Variants in EPN1 observed in about 807,000 individuals in gnomAD.
EPN1 encodes epsin-1.
Under a neutral mutation model 56.9 loss-of-function variants are expected in EPN1, and 25 were observed. The observed-to-expected ratio is 0.44, with a 90% confidence interval of 0.32 to 0.61. EPN1 has a LOEUF of 0.61. EPN1 is among the 20% of genes least tolerant of loss of function. The pLI, the probability that EPN1 is intolerant of heterozygous loss-of-function variation, is 0.05. For missense variants in EPN1, 785 were observed against 823.7 expected, an observed-to-expected ratio of 0.95 and a Z score of 0.58; for synonymous variants, 411 against 361.8, an observed-to-expected ratio of 1.14 and a Z score of -1.54.
At chr19:55,684,599 G>A (rs1986038430) in intron 2 of EPN1, among the ~76,000 whole-genome samples, 1 of 152,068 alleles carries the variant, frequency 6.6e-6, no homozygotes, top group Non-Finnish European at 1.5e-5. Flanking sequence ...TGGAACCTGG[G>A]TGCCCCTCCC....
chr19:55,679,881 C>A (rs1472101891), intron 2 of EPN1, among the ~76,000 whole-genome samples: 8 of 152,182 alleles, frequency 5.3e-5, no homozygotes, highest in Non-Finnish European at 1.2e-4. Context: ...CTTGGAAAAC[C>A]CTGGAGGTGC....
At chr19:55,684,748 C>T (rs543681874) in intron 2 of EPN1, among the ~76,000 whole-genome samples, 3 of 152,242 alleles carry the variant, frequency 2.0e-5, no homozygotes, top group African/African-American at 7.2e-5. Flanking sequence ...TACTAAGACC[C>T]CCTTCATTGT....
chr19:55,702,204 G>T lies in EPN1; in HGVS notation c.*6848G>T, dbSNP rs1421661508. ...TCCAACTCCTGACCTCAAGTGATCC[G>T]CCTGCCTCGGCCTCCCAAAGTAGTG... On this transcript the variant is annotated 3_prime_UTR_variant, in exon 11 of 11. Coordinates refer to ENST00000270460, the MANE Select transcript of EPN1 (RefSeq NM_001130072.2). 6.6e-6 allele frequency: 1 copy of T among 151,326 alleles called. No individual in the cohort carries two copies. Among genetic ancestry groups the T allele is most frequent in the Non-Finnish European group, 1.5e-5 (1 of 67,914 alleles). The allele number at this position is 151,326 out of a possible 1,614,324, so 9.4% of individuals were successfully genotyped here. A position where few individuals can be genotyped will look rare whatever the true frequency, so the allele number is the denominator to read the frequency against.
rs539295653 is a variant in EPN1 at position 55,684,532 on chromosome 19, A to G, written c.229-864A>G. Among the ~76,000 whole-genome samples the G allele has an allele frequency of 4.1e-4, 62 of 152,318 alleles. 2 individuals are homozygous for G. The Middle Eastern group carries it at 0.01, about 25-fold the overall frequency. ...GTATTATAAAATACAAACATACCAA[A>G]GGGTGCAGATTGAACGATAATGTTC... is the stretch of plus-strand genomic sequence containing the variant. On this transcript the variant is annotated intron_variant, in intron 2 of 10. Coordinates refer to ENST00000270460, the MANE Select transcript of EPN1 (RefSeq NM_001130072.2).
Position 55,695,163 on chromosome 19 carries a change from G to C in EPN1, c.1538G>C (p.Gly513Ala). The change falls in exon 11 of 11, where the codon GGC (glycine) becomes GCC (alanine). Residue 513 changes from glycine to alanine, a missense_variant. By Grantham distance (60) the Gly-to-Ala change is moderately conservative. This residue lies in a region of EPN1 where 650 missense variants were observed against 605.0 expected (regional missense o/e 1.07). Transcript: ENST00000270460. This position sits in a 1 kb window ranked among gnomAD's most constrained non-coding sequence, Gnocchi z 4.4. ...CTTCCTGCAGGAGGCCCAGCCACTG[G>C]CCCTTCCGTCACCAACCCCTTCCAG... The part of the protein sequence containing the change: ...PFLPGGGPAT[G>A]PSVTNPFQPA... 1 of 1,613,732 alleles carries C rather than the reference G, an allele frequency of 6.2e-7. No homozygotes were observed. Among genetic ancestry groups the C allele is most frequent in the South Asian group, 1.1e-5 (1 of 91,078 alleles).
intron 3 of EPN1, among the ~76,000 whole-genome samples, chr19:55,687,698 C>T (rs1342662471): frequency 2.6e-5 from 4 of 152,134 alleles, no homozygotes; most frequent in Admixed American, 1.3e-4. Context: ...CTCAGAAGGC[C>T]GCTTACCCAC....
rs948831406 is a variant in EPN1 at position 55,709,146 on chromosome 19, C to T, written c.*13790C>T. On this transcript the variant is annotated 3_prime_UTR_variant, in exon 11 of 11. Coordinates refer to ENST00000270460, the MANE Select transcript of EPN1 (RefSeq NM_001130072.2). ...ACCTCTCCTCTCCTCTTTATTCTTTCCTAGAAATCACTGGGAGAATTGTAC... is the reference window on the plus strand; with the variant it reads ...ACCTCTCCTCTCCTCTTTATTCTTTTCTAGAAATCACTGGGAGAATTGTAC... 2.2e-5 allele frequency: 17 copies of T among 761,290 alleles called. No individual in the cohort carries two copies. The African/African-American group carries it at 3.0e-4, about 13-fold the overall frequency. 47.2% of individuals were successfully genotyped at this position (761,290 alleles called of 1,614,324 possible). A position where few individuals can be genotyped will look rare whatever the true frequency, so the allele number is the denominator to read the frequency against.
In EPN1 at chr19:55,701,250, A is replaced by G. The variant is rs1987125099; in HGVS notation, c.*5894A>G. 6.6e-6 allele frequency: 1 copy of G among 152,054 alleles called. No individual in the cohort carries two copies. The highest frequency in any genetic ancestry group is 1.5e-5 in the Non-Finnish European group (1 of 68,028). The allele number at this position is 152,054 out of a possible 1,614,324, so 9.4% of individuals were successfully genotyped here. On this transcript the variant is annotated 3_prime_UTR_variant, in exon 11 of 11. Transcript: ENST00000270460. The stretch of plus-strand genomic sequence containing the variant: ...CGGATCACGAGGTCAGGAGTTCGAG[A>G]CCAGCCTGGCCAACATGGCGAAACC...
Position 55,689,763 on chromosome 19 carries a change from G to T in EPN1, c.679-104G>T. 2 of 1,051,588 alleles carry T rather than the reference G, an allele frequency of 1.9e-6. No individual in the cohort carries two copies. Among genetic ancestry groups the T allele is most frequent in the Non-Finnish European group, 2.9e-6 (2 of 698,484 alleles). The allele number at this position is 1,051,588 out of a possible 1,614,324, so 65.1% of individuals were successfully genotyped here. On this transcript the variant is annotated intron_variant, in intron 5 of 10. Transcript: ENST00000270460. The surrounding 1 kb of genome is among the most constrained non-coding windows in gnomAD (Gnocchi z 5.7). ...CCGCATCCCATCGAATCCTTCAGCC[G>T]CTTTCGTTGGGGTGGGAGGGGTTGC...
intron 9 of EPN1, chr19:55,693,301 C>T (rs976913551): frequency 2.8e-5 from 13 of 459,510 alleles, no homozygotes; most frequent in African/African-American, 2.3e-4. Context: ...TCTGACCCGT[C>T]TCTGCCTCCA....
In EPN1 at chr19:55,691,941, CTG is replaced by C; in HGVS notation, c.951_952del (p.Asp319ProfsTer13). 6.5e-7 allele frequency: 1 copy of C among 1,539,492 alleles called. No individual in the cohort carries two copies. The highest frequency in any genetic ancestry group is 8.7e-7 in the Non-Finnish European group (1 of 1,146,166). ...GGAGGTCCAGCCCCCACGCCGGCCT[CTG>C]GGGACCCCTGGAGGCCTGCTGCCCC... On this transcript the variant is annotated frameshift_variant, in exon 7 of 11. Transcript: ENST00000270460. LOFTEE classifies it high-confidence loss of function. This position sits in a 1 kb window ranked among gnomAD's most constrained non-coding sequence, Gnocchi z 5.6.
rs755327224 is a variant in EPN1 at position 55,691,913 on chromosome 19, T to C, written c.922T>C (p.Trp308Arg). The C allele has an allele frequency of 6.3e-6, 10 of 1,585,726 alleles. No homozygotes were observed. The highest frequency in any genetic ancestry group is 1.7e-6 in the Non-Finnish European group (2 of 1,166,726). ...CCCTGTCCCTCCAGCTGCTGATCCC[T>C]GGGGAGGTCCAGCCCCCACGCCGGC... The part of the protein sequence containing the change: ...GPPVPPAADP[W>R]GGPAPTPASG... The change falls in exon 7 of 11, where the codon TGG becomes CGG. Residue 308 changes from tryptophan to arginine, a missense_variant. This residue lies in a region of EPN1 where 650 missense variants were observed against 605.0 expected (regional missense o/e 1.07). Transcript: ENST00000270460. The surrounding 1 kb of genome is among the most constrained non-coding windows in gnomAD (Gnocchi z 5.6).
chr19:55,699,553 A>G lies in EPN1; in HGVS notation c.*4197A>G, dbSNP rs1987046748. On this transcript the variant is annotated 3_prime_UTR_variant, in exon 11 of 11. Coordinates refer to ENST00000270460, the MANE Select transcript of EPN1 (RefSeq NM_001130072.2). ...CCAAGGATTGGCTGCTTGCTTTTGT[A>G]AAAAAAAATGTTTTATTAGAGTGCA... is the stretch of plus-strand genomic sequence containing the variant. 1 of 151,628 alleles carries G rather than the reference A, an allele frequency of 6.6e-6. No homozygotes were observed. The highest frequency in any genetic ancestry group is 6.6e-5 in the Admixed American group (1 of 15,194). The allele number at this position is 151,628 out of a possible 1,614,324, so 9.4% of individuals were successfully genotyped here.
Position 55,689,773 on chromosome 19 carries a change from G to A in EPN1, c.679-94G>A. 8.7e-7 allele frequency: 1 copy of A among 1,151,648 alleles called. No individual in the cohort carries two copies. The highest frequency in any genetic ancestry group is 1.5e-5 in the African/African-American group (1 of 65,408). 71.3% of individuals were successfully genotyped at this position (1,151,648 alleles called of 1,614,324 possible). On this transcript the variant is annotated intron_variant, in intron 5 of 10. Transcript: ENST00000270460. The surrounding 1 kb of genome is among the most constrained non-coding windows in gnomAD (Gnocchi z 5.7). ...TCGAATCCTTCAGCCGCTTTCGTTG[G>A]GGTGGGAGGGGTTGCTGGGGCTTCC... is the stretch of plus-strand genomic sequence containing the variant.
In EPN1 at chr19:55,693,081, C is replaced by T. The variant is rs771667328; in HGVS notation, c.1264+44C>T. On this transcript the variant is annotated intron_variant, in intron 9 of 10. Transcript: ENST00000270460. ...CTGCCCAGTGGCGAGAGGGAGCCTC[C>T]CCTAGCTCTTCGGGAGCCCCGTCCC... 8 of 1,575,148 alleles carry T rather than the reference C, an allele frequency of 5.1e-6. No homozygotes were observed. The African/African-American group carries it at 1.1e-4, about 21-fold the overall frequency.
Position 55,701,674 on chromosome 19 carries a change from T to C in EPN1, c.*6318T>C, listed in dbSNP as rs1987148299. The C allele has an allele frequency of 6.6e-6, 1 of 152,158 alleles. No homozygotes were observed. The highest frequency in any genetic ancestry group is 2.4e-5 in the African/African-American group (1 of 41,418). The allele number at this position is 152,158 out of a possible 1,614,324, so 9.4% of individuals were successfully genotyped here. On this transcript the variant is annotated 3_prime_UTR_variant, in exon 11 of 11. Coordinates refer to ENST00000270460, the MANE Select transcript of EPN1 (RefSeq NM_001130072.2). The stretch of plus-strand genomic sequence containing the variant: ...CTGGCTTGTTCCTGTAAAACGGTCT[T>C]GTCTGTGGTAAATACTAAGGTTTTT...
At position 55,694,278 on chromosome 19, in the gene EPN1, A is replaced by C. The variant is rs1188493103; in HGVS notation, c.1265-448A>C. 4.3e-5 allele frequency: 7 copies of C among 164,152 alleles called. No homozygotes were observed. The highest frequency in any genetic ancestry group is 9.0e-5 in the Non-Finnish European group (7 of 77,454). 10.2% of individuals were successfully genotyped at this position (164,152 alleles called of 1,614,324 possible). On this transcript the variant is annotated intron_variant, in intron 9 of 10. Coordinates refer to ENST00000270460, the MANE Select transcript of EPN1 (RefSeq NM_001130072.2). This position sits in a 1 kb window ranked among gnomAD's most constrained non-coding sequence, Gnocchi z 4.2. ...AGACCTCTAGCCAACAGATGTCTTC[A>C]CGCTGGCCCGGAACACGTGTCTGTG...
intron 6 of EPN1, among the ~76,000 whole-genome samples, chr19:55,690,294 G>A (rs1385460315): frequency 1.3e-5 from 2 of 152,242 alleles, no homozygotes; most frequent in East Asian, 3.9e-4. Flanking sequence ...TGCAGGGCTC[G>A]CCCCATCTGT....
In EPN1 at chr19:55,704,366, G is replaced by A. The variant is rs992151244; in HGVS notation, c.*9010G>A. ...GTATTTGGAGACAGGGCCTTTACAA[G>A]GTAAGTAAGGTTAAAATGAGGACAT... On this transcript the variant is annotated 3_prime_UTR_variant, in exon 11 of 11. Coordinates refer to ENST00000270460, the MANE Select transcript of EPN1 (RefSeq NM_001130072.2). The A allele has an allele frequency of 6.6e-6, 1 of 152,228 alleles. No homozygotes were observed. The highest frequency in any genetic ancestry group is 1.5e-5 in the Non-Finnish European group (1 of 68,082). The allele number at this position is 152,228 out of a possible 1,614,324, so 9.4% of individuals were successfully genotyped here. A position where few individuals can be genotyped will look rare whatever the true frequency, so the allele number is the denominator to read the frequency against.
Sources: allele counts gnomAD v4.1 joint callset (sites outside exome capture counted in the v4.1 genomes callset), GRCh38; gene constraint gnomAD v4.1.1; regional missense constraint gnomAD v4.1.1; non-coding constraint Gnocchi (gnomAD v3.1); transcripts MANE v1.5; gene names NCBI Gene and HGNC (gene_info 2026-07-23, HGNC 2026-07-21).